DCLK1: variants seen among roughly 807,000 people sequenced by gnomAD.
The protein encoded by DCLK1 is doublecortin like kinase 1, also known as serine/threonine-protein kinase DCLK1.
Under a neutral mutation model 86.2 loss-of-function variants are expected in DCLK1, and 16 were observed. The ratio of observed to expected loss-of-function variants is 0.19; its 90% CI spans 0.13 to 0.28. The LOEUF (loss-of-function observed/expected upper bound fraction) is 0.28, where lower values mean the gene tolerates loss of function less well. DCLK1 is among the 10% of genes least tolerant of loss of function. The pLI is 1.00. For synonymous variants in DCLK1, 369 were observed against 370.5 expected, an observed-to-expected ratio of 1.00 and a Z score of 0.05; for missense variants, 590 against 940.2, an observed-to-expected ratio of 0.63 and a Z score of 4.87.
At position 35,774,444 on chromosome 13, in the gene DCLK1, AG is replaced by A; in HGVS notation, c.*90del. 1 of 1,443,296 alleles carries A rather than the reference AG, an allele frequency of 6.9e-7. No individual in the cohort carries two copies. Among genetic ancestry groups the A allele is most frequent in the African/African-American group, 1.4e-5 (1 of 70,226 alleles). 89.4% of individuals were successfully genotyped at this position (1,443,296 alleles called of 1,614,324 possible). On this transcript the variant is annotated 3_prime_UTR_variant, in exon 17 of 17. Coordinates refer to ENST00000360631, the MANE Select transcript of DCLK1 (RefSeq NM_001330071.2). ...GCCATTCAAGCATTGAGCGCTAGAT[AG>A]ATCAGATGAAACTGTTTTACACAAA...
At chr13:36,041,389 C>G (rs1313816119) in intron 3 of DCLK1, among the ~76,000 whole-genome samples, 1 of 152,178 alleles carries the variant, frequency 6.6e-6, no homozygotes, top group African/African-American at 2.4e-5. Flanking sequence ...AGCATCAGAA[C>G]TGTTAACCTG....
At chr13:35,903,652 T>TACACACAC (rs56345575) in intron 4 of DCLK1, among the ~76,000 whole-genome samples, 27 of 150,268 alleles carry the variant, frequency 1.8e-4, no homozygotes, top group African/African-American at 6.6e-4. Flanking sequence ...AGGCTATACA[T>TACACACAC]ACACACACAC....
At chr13:35,956,470 C>T (rs1877984664) in intron 3 of DCLK1, among the ~76,000 whole-genome samples, 1 of 152,212 alleles carries the variant, frequency 6.6e-6, no homozygotes, top group Admixed American at 6.5e-5. Context: ...TGAAGAGAAA[C>T]ATGAAGCCAC....
intron 4 of DCLK1, among the ~76,000 whole-genome samples, chr13:35,923,306 G>C (rs1875912420): frequency 6.6e-6 from 1 of 152,108 alleles, no homozygotes; most frequent in South Asian, 2.1e-4. Context: ...ACTCCAGTTT[G>C]GTTTGGAGGA....
At chr13:36,108,945 G>A (rs1885510952) in intron 3 of DCLK1, among the ~76,000 whole-genome samples, 1 of 152,186 alleles carries the variant, frequency 6.6e-6, no homozygotes, top group Non-Finnish European at 1.5e-5. Flanking sequence ...AGGACAGCGT[G>A]GAGGAAACTG....
At chr13:35,996,112 A>G (rs1880463078) in intron 3 of DCLK1, among the ~76,000 whole-genome samples, 1 of 152,108 alleles carries the variant, frequency 6.6e-6, no homozygotes, top group Non-Finnish European at 1.5e-5. Flanking sequence ...TATTTTTAGT[A>G]GAGACGGGGC....
At chr13:35,905,411 C>T (rs527435297) in intron 4 of DCLK1, among the ~76,000 whole-genome samples, 1 of 152,194 alleles carries the variant, frequency 6.6e-6, no homozygotes, top group East Asian at 1.9e-4. Context: ...AGAGAAGATC[C>T]CACCCTATCC....
intron 4 of DCLK1, among the ~76,000 whole-genome samples, chr13:35,887,555 T>C (rs1873350170): frequency 6.6e-6 from 1 of 152,024 alleles, no homozygotes; most frequent in Non-Finnish European, 1.5e-5. Context: ...AGAGACTGGG[T>C]GGGAAAGACT....
intron 3 of DCLK1, among the ~76,000 whole-genome samples, chr13:35,964,930 A>G (rs1418892250): frequency 6.6e-6 from 1 of 152,208 alleles, no homozygotes; most frequent in African/African-American, 2.4e-5. Flanking sequence ...CTTTCCAGAT[A>G]CAAAGACAGA....
At chr13:35,784,722 C>T (rs543975590) in intron 16 of DCLK1, among the ~76,000 whole-genome samples, 104 of 152,242 alleles carry the variant, frequency 6.8e-4, no homozygotes, top group Non-Finnish European at 1.2e-3. Flanking sequence ...GCCCTGGCTG[C>T]CAACCATGCT....
chr13:35,782,501 G>A (rs1306821836), intron 16 of DCLK1, among the ~76,000 whole-genome samples: 5 of 152,160 alleles, frequency 3.3e-5, no homozygotes, highest in African/African-American at 1.2e-4. Flanking sequence ...TCCTTTAATT[G>A]CAGAAACCAT....
In DCLK1 at chr13:35,822,915, C is replaced by T. The variant is rs771347789; in HGVS notation, c.1408-40G>A. ...GAAGCTGAAGCAGCACATTAACAGA[C>T]GGGCCAGTGGGGCCACCTGCAGAGG... is the stretch of plus-strand genomic sequence containing the variant. On this transcript the variant is annotated intron_variant, in intron 10 of 16. Transcript: ENST00000360631. 2.4e-5 allele frequency: 38 copies of T among 1,609,486 alleles called. No homozygotes were observed. In the Admixed American group the frequency reaches 2.9e-4, roughly 12 times the overall value.
In DCLK1 at chr13:35,954,286, T is replaced by C. The variant is rs567127070; in HGVS notation, c.724-6829A>G. On this transcript the variant is annotated intron_variant, in intron 3 of 16. Coordinates refer to ENST00000360631, the MANE Select transcript of DCLK1 (RefSeq NM_001330071.2). ...CAACAACCTTCCTCTTTCTGCACAATTCGTAATGTGACCATTATAATTAGC... is the reference window on the plus strand; with the variant it reads ...CAACAACCTTCCTCTTTCTGCACAACTCGTAATGTGACCATTATAATTAGC... Among the ~76,000 whole-genome samples, 5 of 152,200 alleles carry C rather than the reference T, an allele frequency of 3.3e-5. No homozygotes were observed. In the South Asian group the frequency reaches 1.0e-3, roughly 32 times the overall value.
intron 4 of DCLK1, among the ~76,000 whole-genome samples, chr13:35,942,446 G>A (rs1326785947): frequency 6.6e-6 from 1 of 152,190 alleles, no homozygotes; most frequent in African/African-American, 2.4e-5. Context: ...GCCTCCCAAA[G>A]TGCTGGGATT....
At chr13:36,027,984 C>T (rs142819727) in intron 3 of DCLK1, among the ~76,000 whole-genome samples, 64 of 152,302 alleles carry the variant, frequency 4.2e-4, no homozygotes, top group African/African-American at 1.4e-3. Flanking sequence ...CCTGCCTTAG[C>T]CTCCCAAAGT....
chr13:35,938,554 G>A (rs1193216192), intron 4 of DCLK1, among the ~76,000 whole-genome samples: 8 of 152,014 alleles, frequency 5.3e-5, no homozygotes, highest in South Asian at 2.1e-4. Flanking sequence ...ACTTGAACCC[G>A]GGAGGCAGAG....
rs373323934 is a variant in DCLK1 at position 36,126,054 on chromosome 13, G to A, written c.84C>T (p.Asn28=). 2 of 1,613,086 alleles carry A rather than the reference G, an allele frequency of 1.2e-6. No homozygotes were observed. Among genetic ancestry groups the A allele is most frequent in the African/African-American group, 1.3e-5 (1 of 74,920 alleles). The change falls in exon 2 of 17, where the codon AAC becomes AAT. Residue 28 remains asparagine (N), a synonymous_variant. Coordinates refer to ENST00000360631, the MANE Select transcript of DCLK1 (RefSeq NM_001330071.2). ...CGCTGTGCGTCGGGCTCGGCAGGCC[G>A]TTCACCCGCGACCCTCGGCTGTATC... ...AQRYSRGSRV[N]GLPSPTHSAH...
intron 11 of DCLK1, among the ~76,000 whole-genome samples, chr13:35,821,695 C>G (rs1356489676): frequency 2.1e-5 from 3 of 141,856 alleles, no homozygotes; most frequent in Non-Finnish European, 3.0e-5. Context: ...TATATATGCA[C>G]AGTATATAGA....
intron 8 of DCLK1, among the ~76,000 whole-genome samples, chr13:35,830,712 G>T (rs1412666482): frequency 6.6e-6 from 1 of 152,184 alleles, no homozygotes; most frequent in Non-Finnish European, 1.5e-5. Flanking sequence ...TGCACTGCCT[G>T]CCTGGGTAAC....
Sources: allele counts gnomAD v4.1 joint callset (sites outside exome capture counted in the v4.1 genomes callset), GRCh38; gene constraint gnomAD v4.1.1; transcripts MANE v1.5; gene names NCBI Gene and HGNC (gene_info 2026-07-23, HGNC 2026-07-21).